Variants in PTPRD observed in about 807,000 individuals in gnomAD.
The protein encoded by PTPRD is protein tyrosine phosphatase receptor type D, also known as receptor-type tyrosine-protein phosphatase delta.
PTPRD carries 34 observed loss-of-function variants against 214.5 expected under a neutral mutation model. That is an observed-to-expected ratio of 0.16 (90% CI 0.12 to 0.21). PTPRD has a LOEUF of 0.21. Ranked by LOEUF, PTPRD falls within the 10% of genes least tolerant of loss-of-function variation. The probability of loss-of-function intolerance (pLI) is 1.00; values close to 1 mark genes in which losing one functional copy is unlikely to be tolerated. For missense variants in PTPRD, 2,545 were observed against 2,398.7 expected (o/e 1.06, Z -1.27); for synonymous variants, 1,128 against 845.7 (o/e 1.33, Z -5.79).
intron 11 of PTPRD, among the ~76,000 whole-genome samples, chr9:8,991,202 G>T (rs2099365207): frequency 6.8e-6 from 1 of 147,208 alleles, no homozygotes; most frequent in Non-Finnish European, 1.5e-5. Flanking sequence ...CTGGGTGACA[G>T]AGTGACACTC....
intron 4 of PTPRD, among the ~76,000 whole-genome samples, chr9:10,013,376 GTAAA>G (rs951752110): frequency 6.6e-6 from 1 of 151,886 alleles, no homozygotes; most frequent in South Asian, 2.1e-4. Flanking sequence ...TATTCCATTT[GTAAA>G]TAAATAATCA....
At chr9:9,979,984 A>C (rs1259508216) in intron 4 of PTPRD, among the ~76,000 whole-genome samples, 1 of 152,212 alleles carries the variant, frequency 6.6e-6, no homozygotes, top group Non-Finnish European at 1.5e-5. Flanking sequence ...TTGTTGTATT[A>C]ATAATCCACA....
chr9:8,735,454 C>T (rs116103062), intron 11 of PTPRD, among the ~76,000 whole-genome samples: 34 of 152,148 alleles, frequency 2.2e-4, no homozygotes, highest in African/African-American at 7.5e-4. Flanking sequence ...TACCAAAGTG[C>T]TAGGATTACA....
At chr9:10,470,995 G>A (rs965590765) in intron 2 of PTPRD, among the ~76,000 whole-genome samples, 2 of 152,152 alleles carry the variant, frequency 1.3e-5, no homozygotes, top group African/African-American at 4.8e-5. Flanking sequence ...CACGTCCTTT[G>A]CAGGACATGG....
rs182153120 is a variant in PTPRD at position 9,994,169 on chromosome 9, G to A, written c.-472+39549C>T. Among the ~76,000 whole-genome samples the A allele has an allele frequency of 1.9e-4, 29 of 152,186 alleles. No homozygotes were observed. The East Asian group carries it at 4.8e-3, about 25-fold the overall frequency. On this transcript the variant is annotated intron_variant, in intron 4 of 45. Coordinates refer to ENST00000381196, the MANE Select transcript of PTPRD (RefSeq NM_002839.4). ...CTCTAAAGTCTTTGTCCATAACCAC[G>A]GACCTAATCTGTTGCTCTAGCAGGG...
At chr9:10,262,012 T>A (rs2093728505) in intron 3 of PTPRD, among the ~76,000 whole-genome samples, 1 of 152,134 alleles carries the variant, frequency 6.6e-6, no homozygotes, top group South Asian at 2.1e-4. Context: ...AATATTTGAT[T>A]GCCCCACAAT....
intron 9 of PTPRD, among the ~76,000 whole-genome samples, chr9:9,275,114 A>G (rs1944713899): frequency 5.4e-5 from 3 of 55,194 alleles, no homozygotes; most frequent in African/African-American, 2.2e-4. Context: ...TATATTATAT[A>G]TATATTATAT....
chr9:10,293,061 G>A (rs2095574379), intron 3 of PTPRD, among the ~76,000 whole-genome samples: 1 of 151,848 alleles, frequency 6.6e-6, no homozygotes, highest in Admixed American at 6.6e-5. Context: ...ACACTGTGAA[G>A]GAAGTTTTAT....
intron 33 of PTPRD, among the ~76,000 whole-genome samples, chr9:8,450,344 A>G (rs2095887063): frequency 6.6e-6 from 1 of 152,202 alleles, no homozygotes; most frequent in Non-Finnish European, 1.5e-5. Context: ...AAGGCAGGTA[A>G]ACACAAGTGC....
chr9:8,436,213 T>C (rs1194114917), intron 35 of PTPRD, among the ~76,000 whole-genome samples: 2 of 133,506 alleles, frequency 1.5e-5, no homozygotes, highest in African/African-American at 5.0e-5. Flanking sequence ...AAAGGGGAGA[T>C]GTTGATCAGT....
At chr9:9,513,589 A>T in intron 8 of PTPRD, among the ~76,000 whole-genome samples, 1 of 84,698 alleles carries the variant, frequency 1.2e-5, no homozygotes, top group Admixed American at 1.4e-4. Context: ...ATATATAACA[A>T]AAAAAAAACA....
chr9:9,806,336 C>T (rs2099072941), intron 5 of PTPRD, among the ~76,000 whole-genome samples: 1 of 152,094 alleles, frequency 6.6e-6, no homozygotes, highest in South Asian at 2.1e-4. Context: ...ATTTTAAGGT[C>T]CTCTGAGCTG....
chr9:9,096,746 CA>C (rs766485263), intron 10 of PTPRD, among the ~76,000 whole-genome samples: 2 of 151,864 alleles, frequency 1.3e-5, no homozygotes, highest in South Asian at 2.1e-4. Context: ...ATTAAATTAG[CA>C]AAAAAGTATT....
chr9:10,031,320 G>C (rs997781356), intron 4 of PTPRD, among the ~76,000 whole-genome samples: 3 of 151,996 alleles, frequency 2.0e-5, no homozygotes, highest in African/African-American at 7.3e-5. Context: ...GTCTGTATGG[G>C]TGTTGCCAAA....
At chr9:9,552,679 G>A (rs541406473) in intron 8 of PTPRD, among the ~76,000 whole-genome samples, 3 of 152,036 alleles carry the variant, frequency 2.0e-5, no homozygotes, top group African/African-American at 4.8e-5. Context: ...TGCTCAAGAA[G>A]ACTAGATTCC....
chr9:9,753,139 A>T (rs926652735), intron 6 of PTPRD, among the ~76,000 whole-genome samples: 1 of 152,064 alleles, frequency 6.6e-6, no homozygotes, highest in Non-Finnish European at 1.5e-5. Flanking sequence ...TTATTATTTT[A>T]TATTTTCAGT....
chr9:9,661,594 G>C (rs1468951681), intron 7 of PTPRD, among the ~76,000 whole-genome samples: 1 of 151,664 alleles, frequency 6.6e-6, no homozygotes, highest in Non-Finnish European at 1.5e-5. Flanking sequence ...GTTTATATTT[G>C]TCTTTCCATC....
chr9:10,216,041 A>G (rs2099539582), intron 3 of PTPRD, among the ~76,000 whole-genome samples: 1 of 151,986 alleles, frequency 6.6e-6, no homozygotes, highest in East Asian at 1.9e-4. Flanking sequence ...CAATTTTAGG[A>G]AAAATTTTAA....
At chr9:9,077,734 T>G (rs2099753333) in intron 10 of PTPRD, among the ~76,000 whole-genome samples, 1 of 152,014 alleles carries the variant, frequency 6.6e-6, no homozygotes, top group African/African-American at 2.4e-5. Flanking sequence ...GGTCCACAGT[T>G]AAACACACAG....
Sources: allele counts gnomAD v4.1 joint callset (sites outside exome capture counted in the v4.1 genomes callset), GRCh38; gene constraint gnomAD v4.1.1; transcripts MANE v1.5; gene names NCBI Gene and HGNC (gene_info 2026-07-23, HGNC 2026-07-21).